Variants in MDGA2 observed in about 807,000 individuals in gnomAD.
MDGA2 encodes MAM domain-containing glycosylphosphatidylinositol anchor protein 2.
A neutral mutation model predicts 117.8 loss-of-function variants in MDGA2; 40 were observed. The ratio of observed to expected loss-of-function variants is 0.34; its 90% CI spans 0.26 to 0.44. The LOEUF is 0.44. MDGA2 is among the 20% of genes least tolerant of loss of function. The probability of loss-of-function intolerance (pLI) is 1.00; values close to 1 mark genes in which losing one functional copy is unlikely to be tolerated. For synonymous variants in MDGA2, 452 were observed against 439.0 expected, an observed-to-expected ratio of 1.03 and a Z score of -0.37; for missense variants, 1,123 against 1,250.6, an observed-to-expected ratio of 0.90 and a Z score of 1.54.
chr14:46,880,396 T>C (rs866683619), intron 11 of MDGA2, among the ~76,000 whole-genome samples: 1 of 151,970 alleles, frequency 6.6e-6, no homozygotes, highest in Non-Finnish European at 1.5e-5. Context: ...TAAATAATGA[T>C]TCATTCAAAC....
intron 1 of MDGA2, among the ~76,000 whole-genome samples, chr14:47,408,565 C>T (rs911504644): frequency 3.3e-5 from 5 of 152,114 alleles, no homozygotes; most frequent in Non-Finnish European, 5.9e-5. Flanking sequence ...GCGCTAAGGG[C>T]GGCCATCAGC....
intron 1 of MDGA2, among the ~76,000 whole-genome samples, chr14:47,620,238 C>T (rs1897025523): frequency 6.6e-6 from 1 of 152,216 alleles, no homozygotes; most frequent in Non-Finnish European, 1.5e-5. Flanking sequence ...TTCAAGAATA[C>T]ATTAATAACT....
Position 46,847,633 on chromosome 14 carries a change from G to A in MDGA2, c.2884-1762C>T, listed in dbSNP as rs776976480. Among the ~76,000 whole-genome samples the A allele has an allele frequency of 5.9e-5, 9 of 151,818 alleles. 1 individual carries two copies. Among genetic ancestry groups the A allele is most frequent in the Admixed American group, 1.3e-4 (2 of 15,224 alleles). The stretch of plus-strand genomic sequence containing the variant: ...GAAAGGATTTAGAAAAAAATGAACG[G>A]TATGAACATTTGAGAGAATTGAATA... On this transcript the variant is annotated intron_variant, in intron 15 of 16. Transcript: ENST00000399232.
At chr14:47,449,066 A>T (rs1041742833) in intron 1 of MDGA2, among the ~76,000 whole-genome samples, 1 of 152,150 alleles carries the variant, frequency 6.6e-6, no homozygotes, top group Non-Finnish European at 1.5e-5. Context: ...TCTTAACTCC[A>T]TTAGATTCTT....
intron 9 of MDGA2, among the ~76,000 whole-genome samples, chr14:46,953,662 G>A (rs905406233): frequency 1.8e-4 from 27 of 151,768 alleles, no homozygotes; most frequent in African/African-American, 6.0e-4. Flanking sequence ...TTAGTCTCCC[G>A]ATGCCCATAA....
intron 1 of MDGA2, among the ~76,000 whole-genome samples, chr14:47,664,201 CAT>C (rs1897900672): frequency 6.6e-6 from 1 of 152,128 alleles, no homozygotes; most frequent in Admixed American, 6.5e-5. Context: ...TTTTCATGCA[CAT>C]ATTTATAATA....
At chr14:47,208,225 T>G (rs1885756802) in intron 3 of MDGA2, among the ~76,000 whole-genome samples, 1 of 152,034 alleles carries the variant, frequency 6.6e-6, no homozygotes, top group African/African-American at 2.4e-5. Context: ...TACTTGACCT[T>G]ACTCACGGTA....
intron 3 of MDGA2, among the ~76,000 whole-genome samples, chr14:47,149,478 T>C (rs1162039316): frequency 6.6e-6 from 1 of 152,172 alleles, no homozygotes; most frequent in Non-Finnish European, 1.5e-5. Flanking sequence ...CTGAGCTTCT[T>C]AATGATGCTT....
chr14:47,223,218 G>C (rs1449927634), intron 2 of MDGA2, among the ~76,000 whole-genome samples: 1 of 152,076 alleles, frequency 6.6e-6, no homozygotes, highest in Non-Finnish European at 1.5e-5. Context: ...AATTCCGGTA[G>C]ATAAAATTCA....
chr14:47,313,206 T>C (rs1395166424), intron 1 of MDGA2, among the ~76,000 whole-genome samples: 3 of 152,108 alleles, frequency 2.0e-5, no homozygotes, highest in Non-Finnish European at 4.4e-5. Context: ...AAATAAGCTA[T>C]TTAGACTTTA....
At chr14:47,333,688 T>C (rs552360254) in intron 1 of MDGA2, among the ~76,000 whole-genome samples, 1 of 151,874 alleles carries the variant, frequency 6.6e-6, no homozygotes, top group African/African-American at 2.4e-5. Flanking sequence ...TCTCCCAATT[T>C]CCACTCTCAA....
intron 3 of MDGA2, among the ~76,000 whole-genome samples, chr14:47,170,882 C>T (rs1479942041): frequency 3.9e-5 from 6 of 152,012 alleles, no homozygotes; most frequent in South Asian, 2.1e-4. Flanking sequence ...TTTAAGTTAA[C>T]GACGTGAACA....
chr14:47,458,219 C>A (rs1893403951), intron 1 of MDGA2, among the ~76,000 whole-genome samples: 1 of 152,018 alleles, frequency 6.6e-6, no homozygotes, highest in Non-Finnish European at 1.5e-5. Flanking sequence ...TAAATATTTT[C>A]TCCTATTCAG....
intron 3 of MDGA2, among the ~76,000 whole-genome samples, chr14:47,163,358 T>C (rs1883721669): frequency 6.6e-6 from 1 of 152,142 alleles, no homozygotes; most frequent in South Asian, 2.1e-4. Context: ...GCTCACATAA[T>C]TCCCAATGTT....
rs559965912 is a variant in MDGA2, at chr14:47,481,961, C to T, written c.281-180411G>A. 4.6e-5 allele frequency among the ~76,000 whole-genome samples: 7 copies of T among 151,958 alleles called. 1 individual carries two copies. In the South Asian group the frequency reaches 1.2e-3, roughly 27 times the overall value. On this transcript the variant is annotated intron_variant, in intron 1 of 16. Coordinates refer to ENST00000399232, the MANE Select transcript of MDGA2 (RefSeq NM_001113498.3). ...TAAAAACAGGAGGATATTGTTACCC[C>T]CAATTCAGTAATGTTACAGGTACAC...
At chr14:47,626,363 G>A (rs924649373) in intron 1 of MDGA2, 1 of 152,576 alleles carries the variant, frequency 6.6e-6, no homozygotes, top group African/African-American at 2.4e-5. Flanking sequence ...TCTTCTTCCT[G>A]TCCGCTACAC....
chr14:47,145,845 T>A lies in MDGA2; in HGVS notation c.596-1571A>T, dbSNP rs1229967797. ...ACTATTATTAATAATATTACTATCA[T>A]TATTGGAGTCTCATTTAAACTCCTA... On this transcript the variant is annotated intron_variant, in intron 3 of 16. Transcript: ENST00000399232. Among the ~76,000 whole-genome samples, 7 of 152,272 alleles carry A rather than the reference T, an allele frequency of 4.6e-5. No homozygotes were observed. The South Asian group carries it at 8.3e-4, about 18-fold the overall frequency.
intron 1 of MDGA2, among the ~76,000 whole-genome samples, chr14:47,310,145 A>C (rs1212524202): frequency 6.6e-6 from 1 of 152,170 alleles, no homozygotes; most frequent in Non-Finnish European, 1.5e-5. Flanking sequence ...AGATTTCATC[A>C]GGATTACCTT....
At chr14:47,290,815 A>G (rs1398858177) in intron 2 of MDGA2, among the ~76,000 whole-genome samples, 1 of 152,016 alleles carries the variant, frequency 6.6e-6, no homozygotes, top group Non-Finnish European at 1.5e-5. Flanking sequence ...AACACAATAT[A>G]AGAAAGTGTG....
Sources: allele counts gnomAD v4.1 joint callset (sites outside exome capture counted in the v4.1 genomes callset), GRCh38; gene constraint gnomAD v4.1.1; transcripts MANE v1.5; gene names NCBI Gene and HGNC (gene_info 2026-07-23, HGNC 2026-07-21).